Variants in TPRG1 observed in about 807,000 individuals in gnomAD.
The protein encoded by TPRG1 is tumor protein p63-regulated gene 1 protein.
A neutral mutation model predicts 29.3 loss-of-function variants in TPRG1; 29 were observed. That is an observed-to-expected ratio of 0.99 (90% CI 0.74 to 1.35). The LOEUF (loss-of-function observed/expected upper bound fraction) is 1.35. TPRG1 is among the 40% of genes most tolerant of loss of function. TPRG1 has a pLI of 0.00. For synonymous variants in TPRG1, 130 were observed against 116.8 expected (o/e 1.11, Z -0.73); for missense variants, 327 against 335.0 (o/e 0.98, Z 0.19).
intron 4 of TPRG1, among the ~76,000 whole-genome samples, chr3:189,239,289 TCATC>T (rs1740112875): frequency 6.6e-6 from 1 of 151,996 alleles, no homozygotes; most frequent in Non-Finnish European, 1.5e-5. Context: ...CCTGTTAAAC[TCATC>T]AAGTCTCGTG....
At chr3:189,269,007 A>G (rs976269115) in intron 4 of TPRG1, among the ~76,000 whole-genome samples, 7 of 152,200 alleles carry the variant, frequency 4.6e-5, no homozygotes, top group African/African-American at 1.7e-4. Flanking sequence ...TCCTCCAGAA[A>G]ATGGGATATT....
chr3:189,130,597 A>T (rs1387229736), intron 2 of TPRG1, among the ~76,000 whole-genome samples: 1 of 152,138 alleles, frequency 6.6e-6, no homozygotes, highest in Non-Finnish European at 1.5e-5. Context: ...CATGGACTGT[A>T]ATAGGATGAA....
At chr3:189,065,197 A>G (rs1247704380) in intron 4 of TPRG1, among the ~76,000 whole-genome samples, 2 of 152,290 alleles carry the variant, frequency 1.3e-5, no homozygotes, top group African/African-American at 2.4e-5. Flanking sequence ...AAGTAAAAAA[A>G]TACCATTTTG....
At chr3:189,291,453 C>A (rs1023267580) in intron 4 of TPRG1, among the ~76,000 whole-genome samples, 1 of 152,108 alleles carries the variant, frequency 6.6e-6, no homozygotes, top group Admixed American at 6.5e-5. Flanking sequence ...GAAAGCCATG[C>A]AGTACATTTA....
In TPRG1 at chr3:189,280,920, A is replaced by G. The variant is rs560304302; in HGVS notation, c.480-29466A>G. ...CAGAACCACTTTTAACTACGTATCT[A>G]TTCTCCTTCGGGAGACCCATGAGAT... On this transcript the variant is annotated intron_variant, in intron 4 of 5. Transcript: ENST00000345063. 2.0e-5 allele frequency among the ~76,000 whole-genome samples: 3 copies of G among 152,234 alleles called. No individual in the cohort carries two copies. In the East Asian group the frequency reaches 5.8e-4, roughly 29 times the overall value.
chr3:189,057,460 A>T (rs1205539727), intron 4 of TPRG1, among the ~76,000 whole-genome samples: 1 of 151,194 alleles, frequency 6.6e-6, no homozygotes, highest in African/African-American at 2.4e-5. Context: ...TAATAAGGAG[A>T]CACGTGCAAG....
At chr3:189,251,812 G>A (rs1742310216) in intron 4 of TPRG1, among the ~76,000 whole-genome samples, 1 of 152,088 alleles carries the variant, frequency 6.6e-6, no homozygotes, top group Admixed American at 6.5e-5. Context: ...TTTATACCGA[G>A]ACATTCCATT....
intron 3 of TPRG1, among the ~76,000 whole-genome samples, chr3:189,233,746 C>T (rs765186208): frequency 6.6e-6 from 1 of 152,146 alleles, no homozygotes; most frequent in Non-Finnish European, 1.5e-5. Context: ...ACTGATTCTA[C>T]ACTAGAGAGG....
chr3:189,196,111 C>T (rs1462862470), intron 1 of TPRG1, among the ~76,000 whole-genome samples: 1 of 152,132 alleles, frequency 6.6e-6, no homozygotes, highest in African/African-American at 2.4e-5. Flanking sequence ...AAAAGAGGAG[C>T]CTGAAACCCT....
At chr3:189,243,734 C>T (rs1300800351) in intron 4 of TPRG1, among the ~76,000 whole-genome samples, 1 of 152,226 alleles carries the variant, frequency 6.6e-6, no homozygotes, top group Non-Finnish European at 1.5e-5. Context: ...AATCCTAAAT[C>T]ATCACTCTCA....
chr3:189,197,762 AT>A (rs1453527721), intron 1 of TPRG1, among the ~76,000 whole-genome samples: 5 of 152,368 alleles, frequency 3.3e-5, no homozygotes, highest in Middle Eastern at 3.4e-3. Context: ...TTAAGTGGAT[AT>A]GTTTCTAACC....
rs138796669 is a variant in TPRG1 at position 189,309,167 on chromosome 3, G to A, written c.480-1219G>A. Among the ~76,000 whole-genome samples, 371 of 150,202 alleles carry A rather than the reference G, an allele frequency of 2.5e-3. 1 individual carries two copies. Among genetic ancestry groups the A allele is most frequent in the African/African-American group, 8.8e-3 (361 of 40,812 alleles). ...TATAATCATCAAAAATCTGATAACTGGCCAGCAGAATGTTTCAGGGACTTT... is the reference window on the plus strand; with the variant it reads ...TATAATCATCAAAAATCTGATAACTAGCCAGCAGAATGTTTCAGGGACTTT... On this transcript the variant is annotated intron_variant, in intron 4 of 5. Coordinates refer to ENST00000345063, the MANE Select transcript of TPRG1 (RefSeq NM_198485.4).
At chr3:189,091,720 C>G (rs907672944) in intron 4 of TPRG1, among the ~76,000 whole-genome samples, 1 of 152,106 alleles carries the variant, frequency 6.6e-6, no homozygotes, top group Non-Finnish European at 1.5e-5. Flanking sequence ...TTCAGATGAC[C>G]TAAGATCCTA....
intron 1 of TPRG1, among the ~76,000 whole-genome samples, chr3:188,999,554 T>C (rs996094718): frequency 6.6e-6 from 1 of 152,170 alleles, no homozygotes; most frequent in Non-Finnish European, 1.5e-5. Flanking sequence ...TGGATCTAGG[T>C]TAAAATAACT....
intron 3 of TPRG1, among the ~76,000 whole-genome samples, chr3:189,224,264 C>G (rs1157663875): frequency 6.6e-6 from 1 of 152,138 alleles, no homozygotes; most frequent in Non-Finnish European, 1.5e-5. Flanking sequence ...GGGTGGATCA[C>G]GAGGTCAAGA....
chr3:189,126,239 G>C (rs1242397595), intron 1 of TPRG1, among the ~76,000 whole-genome samples: 2 of 152,084 alleles, frequency 1.3e-5, no homozygotes, highest in African/African-American at 4.8e-5. Flanking sequence ...TGACTCAGAA[G>C]ATACATGGAG....
chr3:189,220,729 C>T (rs944050394), intron 3 of TPRG1, among the ~76,000 whole-genome samples: 6 of 152,082 alleles, frequency 3.9e-5, no homozygotes, highest in African/African-American at 1.2e-4. Context: ...TGGATAATGA[C>T]CTCCAAATCC....
intron 5 of TPRG1, among the ~76,000 whole-genome samples, chr3:189,155,402 C>G (rs1237798756): frequency 3.3e-5 from 5 of 152,024 alleles, no homozygotes; most frequent in Admixed American, 2.0e-4. Context: ...ATGTCTGTGT[C>G]CTAATTCCTA....
chr3:189,158,186 G>A (rs1726953432), intron 5 of TPRG1, among the ~76,000 whole-genome samples: 1 of 152,116 alleles, frequency 6.6e-6, no homozygotes. Flanking sequence ...TTATTTCCTG[G>A]CTTTCGAACT....
Sources: gnomAD v4.1 joint callset for allele counts (sites outside exome capture counted in the v4.1 genomes callset) on GRCh38, gnomAD v4.1.1 for gene constraint, MANE v1.5 for transcripts, NCBI Gene and HGNC (gene_info 2026-07-23, HGNC 2026-07-21) for gene names.